Variants in HSD17B12 observed in about 807,000 individuals in gnomAD.
HSD17B12 encodes the protein hydroxysteroid 17-beta dehydrogenase 12, also known as very-long-chain 3-oxoacyl-CoA reductase.
HSD17B12 carries 32 observed loss-of-function variants against 39.3 expected under a neutral mutation model. The observed-to-expected ratio is 0.81, with a 90% CI of 0.61 to 1.09. The LOEUF is 1.09. Among genes scored for constraint, HSD17B12 ranks in the 50% least tolerant of loss-of-function variants. The pLI is 0.00. For missense variants in HSD17B12, 342 were observed against 382.9 expected, an observed-to-expected ratio of 0.89 and a Z score of 0.89; for synonymous variants, 150 against 146.7, an observed-to-expected ratio of 1.02 and a Z score of -0.16.
intron 3 of HSD17B12, among the ~76,000 whole-genome samples, chr11:43,775,075 G>A (rs1262086964): frequency 6.6e-6 from 1 of 152,156 alleles, no homozygotes; most frequent in Non-Finnish European, 1.5e-5. Context: ...TGACCTTGAA[G>A]AAGTAAACTG....
intron 1 of HSD17B12, among the ~76,000 whole-genome samples, chr11:43,709,826 C>T (rs373792526): frequency 2.6e-5 from 4 of 152,102 alleles, no homozygotes; most frequent in East Asian, 1.9e-4. Flanking sequence ...TGTGGCTTGG[C>T]CTGAACTTGA....
chr11:43,738,364 T>G (rs974811206), intron 1 of HSD17B12, among the ~76,000 whole-genome samples: 1 of 151,880 alleles, frequency 6.6e-6, no homozygotes, highest in Non-Finnish European at 1.5e-5. Context: ...CCTGATACTT[T>G]CCCTCCCCCA....
intron 3 of HSD17B12, 41 bp from the exon 4 acceptor site, chr11:43,798,279 T>C: frequency 8.2e-7 from 1 of 1,220,998 alleles, no homozygotes. Flanking sequence ...CATGTACTAA[T>C]TTTCCCTGTC....
the HSD17B12 span, among the ~76,000 whole-genome samples, chr11:43,609,678 C>T: frequency 1.7e-4 from 26 of 152,008 alleles, no homozygotes; most frequent in African/African-American, 5.6e-4. Context: ...ATTTAATCTC[C>T]GGCAGATCCT....
chr11:43,754,712 A>G (rs1950494386), intron 3 of HSD17B12, among the ~76,000 whole-genome samples: 1 of 152,224 alleles, frequency 6.6e-6, no homozygotes, highest in African/African-American at 2.4e-5. Flanking sequence ...TTCTGCTGAA[A>G]TGTCTAAACT....
chr11:43,761,727 C>T (rs1950556606), intron 3 of HSD17B12, among the ~76,000 whole-genome samples: 1 of 152,216 alleles, frequency 6.6e-6, no homozygotes, highest in Admixed American at 6.5e-5. Flanking sequence ...CTACATGTAG[C>T]CTCTCTAGCA....
At chr11:43,586,271 G>A in the HSD17B12 span, among the ~76,000 whole-genome samples, 1 of 152,198 alleles carries the variant, frequency 6.6e-6, no homozygotes. Flanking sequence ...GGGGCATCAT[G>A]AGAAGGTTAG....
chr11:43,596,636 C>T, the HSD17B12 span, among the ~76,000 whole-genome samples: 1 of 152,174 alleles, frequency 6.6e-6, no homozygotes, highest in South Asian at 2.1e-4. Flanking sequence ...AACAAGGTAT[C>T]GCTATTGCCC....
At position 43,765,461 on chromosome 11, in the gene HSD17B12, CT is replaced by C. The variant is rs1347019146; in HGVS notation, c.283+11343del. 2.0e-5 allele frequency among the ~76,000 whole-genome samples: 3 copies of C among 151,164 alleles called. No individual in the cohort carries two copies. The East Asian group carries it at 5.8e-4, about 29-fold the overall frequency. On this transcript the variant is annotated intron_variant, in intron 3 of 10. Transcript: ENST00000278353. ...TTCTGGTTACTTCTAAGATTTTTCTCTTTATCACTTAAGTTTTTTTTTTTTT... is the reference window on the plus strand; with the variant it reads ...TTCTGGTTACTTCTAAGATTTTTCTCTTATCACTTAAGTTTTTTTTTTTTT...
intron 3 of HSD17B12, among the ~76,000 whole-genome samples, chr11:43,754,408 AC>A (rs1214140546): frequency 1.3e-5 from 2 of 152,074 alleles, no homozygotes; most frequent in African/African-American, 4.8e-5. Context: ...CCCCGTCTCT[AC>A]TAAAAATTAA....
chr11:43,566,435 A>G, the HSD17B12 span, among the ~76,000 whole-genome samples: 1 of 152,234 alleles, frequency 6.6e-6, no homozygotes, highest in African/African-American at 2.4e-5. Context: ...GCTAATCAAA[A>G]TCAGGCAGTG....
intron 9 of HSD17B12, among the ~76,000 whole-genome samples, chr11:43,842,720 A>T (rs1951438443): frequency 6.6e-6 from 1 of 152,184 alleles, no homozygotes; most frequent in Non-Finnish European, 1.5e-5. Context: ...GATGAATCTA[A>T]TTGTAATTAC....
intron 3 of HSD17B12, chr11:43,754,889 C>T: frequency 3.9e-6 from 3 of 760,610 alleles, no homozygotes; most frequent in South Asian, 1.4e-5. Context: ...ATACTTGAGA[C>T]CTGAATTACA....
the HSD17B12 span, among the ~76,000 whole-genome samples, chr11:43,589,984 A>G: frequency 6.6e-6 from 1 of 152,226 alleles, no homozygotes; most frequent in African/African-American, 2.4e-5. Flanking sequence ...TACACATTCC[A>G]GTGCATCAGG....
intron 1 of HSD17B12, among the ~76,000 whole-genome samples, chr11:43,690,496 T>G (rs935448427): frequency 2.0e-5 from 3 of 146,370 alleles, no homozygotes; most frequent in Non-Finnish European, 3.0e-5. Context: ...TGCCTTAGCC[T>G]CCTGAGTTGC....
At chr11:43,840,259 C>T (rs1235119354) in intron 9 of HSD17B12, among the ~76,000 whole-genome samples, 195 bp downstream of exon 9, 1 of 152,046 alleles carries the variant, frequency 6.6e-6, no homozygotes, top group Non-Finnish European at 1.5e-5. Context: ...CTAGAATTTT[C>T]AAGTAGGGAT....
the HSD17B12 span, among the ~76,000 whole-genome samples, chr11:43,643,822 A>G: frequency 1.3e-5 from 2 of 152,228 alleles, no homozygotes; most frequent in Admixed American, 6.5e-5. Context: ...AATAGTGTTG[A>G]GTACACGAAT....
intron 3 of HSD17B12, among the ~76,000 whole-genome samples, chr11:43,788,473 G>A (rs1336859571): frequency 1.3e-5 from 2 of 152,040 alleles, no homozygotes; most frequent in Non-Finnish European, 2.9e-5. Flanking sequence ...TCATAGAGCT[G>A]TTTGTCTGCT....
the HSD17B12 span, among the ~76,000 whole-genome samples, chr11:43,657,796 T>C: frequency 5.3e-5 from 8 of 152,258 alleles, no homozygotes; most frequent in Non-Finnish European, 1.2e-4. Context: ...TGCTTCCCTT[T>C]GTGGGTAACC....
Sources: allele counts gnomAD v4.1 joint callset (sites outside exome capture counted in the v4.1 genomes callset), GRCh38; gene constraint gnomAD v4.1.1; transcripts MANE v1.5; gene names NCBI Gene and HGNC (gene_info 2026-07-23, HGNC 2026-07-21).